The following RABGEF1 variants were observed in gnomAD, a reference collection of about 807,000 sequenced individuals.
RABGEF1 encodes the protein RAB guanine nucleotide exchange factor 1.
Under a neutral mutation model 57.3 loss-of-function variants are expected in RABGEF1, and 26 were observed. That is an observed-to-expected ratio of 0.45 (90% CI 0.33 to 0.63). The LOEUF (loss-of-function observed/expected upper bound fraction) is 0.63, where lower values mean the gene tolerates loss of function less well. Among genes scored for constraint, RABGEF1 ranks in the 20% least tolerant of loss-of-function variants. The pLI is 0.02. For missense variants in RABGEF1, 464 were observed against 607.6 expected (o/e 0.76, Z 2.48); for synonymous variants, 185 against 210.7 (o/e 0.88, Z 1.06).
chr7:66,681,091 A>T (rs1322779366), upstream of RABGEF1, among the ~76,000 whole-genome samples: 1 of 152,168 alleles, frequency 6.6e-6, no homozygotes, highest in Non-Finnish European at 1.5e-5. Context: ...AAAAAAGAAA[A>T]AAAGAAGACT....
chr7:66,682,590 C>A (rs1195252378), intron 1 of RABGEF1, among the ~76,000 whole-genome samples: 2 of 152,204 alleles, frequency 1.3e-5, no homozygotes, highest in South Asian at 2.1e-4. Flanking sequence ...GCTCCCACTT[C>A]CCCGTCCAGG....
chr7:66,670,230 C>G, the RABGEF1 span, among the ~76,000 whole-genome samples: 1 of 152,122 alleles, frequency 6.6e-6, no homozygotes, highest in Non-Finnish European at 1.5e-5. Flanking sequence ...TTTGCATAAG[C>G]TGTTCCCTTT....
In RABGEF1 at chr7:66,800,573, A is replaced by G. The variant is rs1787059790; in HGVS notation, c.820+1159A>G. Among the ~76,000 whole-genome samples, 4 of 151,982 alleles carry G rather than the reference A, an allele frequency of 2.6e-5. 1 individual carries two copies. Among genetic ancestry groups the G allele is most frequent in the African/African-American group, 9.7e-5 (4 of 41,362 alleles). On this transcript the variant is annotated intron_variant, in intron 7 of 8. Transcript: ENST00000284957. Reference sequence around the variant, plus strand: ...CTAGGCTATGGCGTAGGTCATGACTACTCTGCCCCCCGCACCTTTTGCTCG... The same window carrying G: ...CTAGGCTATGGCGTAGGTCATGACTGCTCTGCCCCCCGCACCTTTTGCTCG...
intron 6 of RABGEF1, among the ~76,000 whole-genome samples, chr7:66,797,933 G>A (rs754402981): frequency 2.0e-5 from 3 of 152,050 alleles, no homozygotes; most frequent in Non-Finnish European, 4.4e-5. Context: ...CCCAGGCAAC[G>A]TGGTAAAACC....
intron 4 of RABGEF1, among the ~76,000 whole-genome samples, chr7:66,794,394 G>A (rs1207932129): frequency 6.6e-6 from 1 of 150,764 alleles, no homozygotes; most frequent in African/African-American, 2.4e-5. Flanking sequence ...AGGCTCAATC[G>A]ATCCTCTAGC....
At position 66,740,941 on chromosome 7, in the gene RABGEF1, C is replaced by G. The variant is rs76400932; in HGVS notation, c.-18+149C>G. 443 of 152,440 alleles carry G rather than the reference C, an allele frequency of 2.9e-3. 17 individuals carry two copies. The East Asian group carries it at 0.077, about 26-fold the overall frequency. The allele number at this position is 152,440 out of a possible 1,614,324, so 9.4% of individuals were successfully genotyped here. A position where few individuals can be genotyped will look rare whatever the true frequency, so the allele number is the denominator to read the frequency against. On this transcript the variant is annotated intron_variant, in intron 1 of 8. Coordinates refer to ENST00000284957, the MANE Select transcript of RABGEF1 (RefSeq NM_014504.3). Reference sequence around the variant, plus strand: ...GTTGCGCGTCGGTGCCTCCCGCTGTCCTTCGTCCCACATTCCGTCTCCGTC... The same window carrying G: ...GTTGCGCGTCGGTGCCTCCCGCTGTGCTTCGTCCCACATTCCGTCTCCGTC...
At chr7:66,776,389 T>G (rs80057273) in intron 3 of RABGEF1, among the ~76,000 whole-genome samples, 2,226 of 152,240 alleles carry the variant, frequency 0.015, 60 homozygotes, top group East Asian at 0.093. Context: ...AAAACACACC[T>G]CTCTTTAAGA....
the RABGEF1 span, chr7:66,667,694 C>T: frequency 6.6e-6 from 1 of 152,260 alleles, no homozygotes; most frequent in African/African-American, 2.4e-5. Flanking sequence ...TCATAAGCAT[C>T]TACTCTGTGT....
intron 1 of RABGEF1, among the ~76,000 whole-genome samples, chr7:66,693,806 T>C (rs1584700845): frequency 6.7e-6 from 1 of 148,916 alleles, no homozygotes; most frequent in Non-Finnish European, 1.5e-5. Flanking sequence ...TCTTTCCTTT[T>C]TTTTCTTTTT....
chr7:66,790,683 T>C (rs1032013969), intron 4 of RABGEF1, among the ~76,000 whole-genome samples: 1 of 152,230 alleles, frequency 6.6e-6, no homozygotes, highest in Non-Finnish European at 1.5e-5. Flanking sequence ...TAAATACTTT[T>C]GACTTTCCCT....
chr7:66,758,205 T>C (rs1803268471), intron 1 of RABGEF1, among the ~76,000 whole-genome samples: 1 of 152,098 alleles, frequency 6.6e-6, no homozygotes, highest in African/African-American at 2.4e-5. Context: ...ATCTGCAAAG[T>C]ATTTTCGTTT....
intron 3 of RABGEF1, among the ~76,000 whole-genome samples, chr7:66,782,781 G>A (rs984528142): frequency 2.1e-4 from 32 of 150,478 alleles, no homozygotes; most frequent in African/African-American, 7.1e-4. Flanking sequence ...GCAAGACTTC[G>A]TCTCAAAAAA....
intron 4 of RABGEF1, among the ~76,000 whole-genome samples, chr7:66,792,211 T>G (rs1034681829): frequency 6.6e-6 from 1 of 152,172 alleles, no homozygotes; most frequent in Non-Finnish European, 1.5e-5. Context: ...CTTTTTTTCT[T>G]GGAAAATTAT....
chr7:66,754,586 G>A (rs1434736163), intron 1 of RABGEF1, among the ~76,000 whole-genome samples: 1 of 151,734 alleles, frequency 6.6e-6, no homozygotes, highest in East Asian at 2.0e-4. Context: ...GCTACATGTG[G>A]TAGCCCTTTT....
At chr7:66,714,451 C>G (rs147200522) in intron 2 of RABGEF1, among the ~76,000 whole-genome samples, 1 of 152,106 alleles carries the variant, frequency 6.6e-6, no homozygotes, top group African/African-American at 2.4e-5. Flanking sequence ...TGTCTCGTTT[C>G]CTTTCTTTTC....
At chr7:66,667,709 C>G in the RABGEF1 span, 1 of 152,266 alleles carries the variant, frequency 6.6e-6, no homozygotes, top group Non-Finnish European at 1.5e-5. Context: ...CTGTGTCCAG[C>G]CCTGTGCAGG....
At chr7:66,806,463 C>G (rs1356184290) in intron 8 of RABGEF1, among the ~76,000 whole-genome samples, 1 of 152,022 alleles carries the variant, frequency 6.6e-6, no homozygotes, top group Non-Finnish European at 1.5e-5. Flanking sequence ...ACTGTAGTCA[C>G]CAGCATCTTG....
chr7:66,745,926 C>T (rs897263608), intron 1 of RABGEF1, among the ~76,000 whole-genome samples: 4 of 152,154 alleles, frequency 2.6e-5, no homozygotes, highest in African/African-American at 9.7e-5. Context: ...AGCCACTGCA[C>T]TACAGCCTGA....
chr7:66,780,849 G>A (rs1809727551), intron 3 of RABGEF1, among the ~76,000 whole-genome samples: 1 of 152,042 alleles, frequency 6.6e-6, no homozygotes, highest in African/African-American at 2.4e-5. Context: ...TCTAACATTG[G>A]TACAACCACT....
Sources: allele counts gnomAD v4.1 joint callset (sites outside exome capture counted in the v4.1 genomes callset), GRCh38; gene constraint gnomAD v4.1.1; transcripts MANE v1.5; gene names NCBI Gene and HGNC (gene_info 2026-07-23, HGNC 2026-07-21).